The following PTPRO variants were observed in gnomAD, a reference collection of about 807,000 sequenced individuals.
PTPRO encodes the protein protein tyrosine phosphatase receptor type O.
A neutral mutation model predicts 145.2 loss-of-function variants in PTPRO; 62 were observed. The ratio of observed to expected loss-of-function variants is 0.43; its 90% CI spans 0.35 to 0.53. The LOEUF (loss-of-function observed/expected upper bound fraction) is 0.53, where lower values mean the gene tolerates loss of function less well. Ranked by LOEUF, PTPRO falls within the 20% of genes least tolerant of loss-of-function variation. PTPRO has a pLI of 0.01. For synonymous variants in PTPRO, 565 were observed against 514.7 expected (o/e 1.10, Z -1.32); for missense variants, 1,345 against 1,482.7 (o/e 0.91, Z 1.53).
intron 10 of PTPRO, among the ~76,000 whole-genome samples, chr12:15,522,601 A>G (rs1009117694): frequency 6.6e-6 from 1 of 152,138 alleles, no homozygotes; most frequent in African/African-American, 2.4e-5. Context: ...TAACTTTCCT[A>G]TGCTTTGAAT....
At chr12:15,421,079 T>C (rs1940130885) in intron 1 of PTPRO, among the ~76,000 whole-genome samples, 2 of 152,240 alleles carry the variant, frequency 1.3e-5, no homozygotes, top group Admixed American at 6.5e-5. Flanking sequence ...TATTTCTCTT[T>C]GGTCTATTTT....
intron 1 of PTPRO, among the ~76,000 whole-genome samples, chr12:15,378,328 A>T (rs1223471645): frequency 1.3e-5 from 2 of 152,006 alleles, no homozygotes; most frequent in Non-Finnish European, 2.9e-5. Flanking sequence ...GTCCTTATAA[A>T]AGCAAGGATA....
intron 1 of PTPRO, among the ~76,000 whole-genome samples, chr12:15,372,068 G>A (rs565458063): frequency 6.6e-6 from 1 of 152,274 alleles, no homozygotes; most frequent in East Asian, 1.9e-4. Flanking sequence ...AATTGAAATT[G>A]TCTTTGAAGG....
chr12:15,428,762 T>G (rs1394305069), intron 1 of PTPRO, among the ~76,000 whole-genome samples: 2 of 152,150 alleles, frequency 1.3e-5, no homozygotes, highest in Non-Finnish European at 2.9e-5. Context: ...GAGTTCATTC[T>G]GTCTTGCAGC....
At chr12:15,348,770 A>T (rs557959832) in intron 1 of PTPRO, 1 of 150,954 alleles carries the variant, frequency 6.6e-6, no homozygotes, top group South Asian at 2.1e-4. Context: ...CCTGGGCGAC[A>T]GCGAGACTCC....
chr12:15,367,978 C>CAT (rs1251860140), intron 1 of PTPRO, among the ~76,000 whole-genome samples: 2 of 152,186 alleles, frequency 1.3e-5, no homozygotes, highest in Non-Finnish European at 1.5e-5. Flanking sequence ...CTAAAGAGGC[C>CAT]ATAAAGACTG....
chr12:15,477,351 TGGGGAGG>T (rs1941677366), intron 1 of PTPRO, among the ~76,000 whole-genome samples: 1 of 83,980 alleles, frequency 1.2e-5, no homozygotes, highest in African/African-American at 5.0e-5. Context: ...GGGACTGTGG[TGGGGAGG>T]GGGGAGGGGG....
At chr12:15,414,235 C>G (rs561550953) in intron 1 of PTPRO, among the ~76,000 whole-genome samples, 5 of 152,180 alleles carry the variant, frequency 3.3e-5, no homozygotes, top group African/African-American at 1.2e-4. Flanking sequence ...CACATATGAA[C>G]AACGTTCATA....
chr12:15,549,370 T>C (rs1943392585), intron 14 of PTPRO, 144 bp downstream of exon 14: 3 of 556,224 alleles, frequency 5.4e-6, no homozygotes, highest in African/African-American at 2.0e-5. Flanking sequence ...ACTTACTAGC[T>C]ATGGAGTTAG....
intron 1 of PTPRO, among the ~76,000 whole-genome samples, chr12:15,384,414 A>G (rs1343298213): frequency 6.6e-6 from 1 of 152,192 alleles, no homozygotes; most frequent in Non-Finnish European, 1.5e-5. Context: ...GTTTTCTCAT[A>G]GTTCTGGAGG....
rs1310845439 is a variant in PTPRO, at chr12:15,528,644, T to G, written c.2164+2382T>G. ...TAATAATAGAAAACATTCCAAAACT[T>G]GAGACAGGTACAAATAGCCAGGTTC... On this transcript the variant is annotated intron_variant, in intron 12 of 26. Coordinates refer to ENST00000281171, the MANE Select transcript of PTPRO (RefSeq NM_030667.3). 2.6e-5 allele frequency among the ~76,000 whole-genome samples: 4 copies of G among 151,968 alleles called. No homozygotes were observed. In the East Asian group the frequency reaches 7.7e-4, roughly 29 times the overall value.
chr12:15,468,342 C>T (rs533572479), intron 1 of PTPRO, among the ~76,000 whole-genome samples: 2 of 152,340 alleles, frequency 1.3e-5, no homozygotes, highest in South Asian at 4.1e-4. Flanking sequence ...GTCTTCCCAT[C>T]GCCTTTAGCA....
rs1223593100 is a variant in PTPRO at position 15,596,760 on chromosome 12, T to C, written c.*687T>C. ...GTAGAAAAAAAATTGTCTTAACTGTTCTAGTTCTTGATGGTTTTCTTCCTT... is the reference window on the plus strand; with the variant it reads ...GTAGAAAAAAAATTGTCTTAACTGTCCTAGTTCTTGATGGTTTTCTTCCTT... On this transcript the variant is annotated 3_prime_UTR_variant, in exon 27 of 27. Transcript: ENST00000281171. 1 of 152,362 alleles carries C rather than the reference T, an allele frequency of 6.6e-6. No homozygotes were observed. Among genetic ancestry groups the C allele is most frequent in the Non-Finnish European group, 1.5e-5 (1 of 68,042 alleles). The allele number at this position is 152,362 out of a possible 1,614,324, so 9.4% of individuals were successfully genotyped here. A position where few individuals can be genotyped will look rare whatever the true frequency, so the allele number is the denominator to read the frequency against.
intron 1 of PTPRO, among the ~76,000 whole-genome samples, chr12:15,360,693 TTA>T (rs1480711840): frequency 2.0e-5 from 3 of 151,286 alleles, no homozygotes; most frequent in African/African-American, 7.3e-5. Flanking sequence ...TCTCTTATAT[TTA>T]TATGTGTTTA....
intron 22 of PTPRO, 34 bp downstream of exon 22, chr12:15,580,865 G>C (rs1235476905): frequency 6.2e-7 from 1 of 1,612,880 alleles, no homozygotes; most frequent in Admixed American, 1.7e-5. Context: ...CCACTTAGCA[G>C]CAAAACCTGC....
At chr12:15,425,758 T>C (rs984746292) in intron 1 of PTPRO, among the ~76,000 whole-genome samples, 2 of 151,978 alleles carry the variant, frequency 1.3e-5, no homozygotes, top group South Asian at 4.1e-4. Flanking sequence ...AACTTTTTTA[T>C]TATATTTCAC....
chr12:15,452,453 C>T (rs984747217), intron 1 of PTPRO, among the ~76,000 whole-genome samples: 20 of 152,080 alleles, frequency 1.3e-4, no homozygotes, highest in African/African-American at 4.8e-4. Context: ...GACACTATTC[C>T]ACAAAATAGA....
chr12:15,376,316 A>G (rs1020613920), intron 1 of PTPRO, among the ~76,000 whole-genome samples: 2 of 152,212 alleles, frequency 1.3e-5, no homozygotes, highest in Non-Finnish European at 2.9e-5. Context: ...ATATGTTGAA[A>G]GAACAATACT....
intron 1 of PTPRO, among the ~76,000 whole-genome samples, chr12:15,470,669 A>G (rs12424125): frequency 0.21 from 31,624 of 152,166 alleles, 4,144 homozygotes; most frequent in Admixed American, 0.31. Context: ...CATTTTACAC[A>G]TGCACACATG....
Sources: gnomAD v4.1 joint callset for allele counts (sites outside exome capture counted in the v4.1 genomes callset) on GRCh38, gnomAD v4.1.1 for gene constraint, MANE v1.5 for transcripts, NCBI Gene and HGNC (gene_info 2026-07-23, HGNC 2026-07-21) for gene names.